Variants in CDYL observed in about 807,000 individuals in gnomAD.
CDYL encodes chromodomain Y like, also known as chromodomain Y-like protein.
CDYL carries 8 observed loss-of-function variants against 47.3 expected under a neutral mutation model. The observed-to-expected ratio is 0.17, with a 90% confidence interval of 0.10 to 0.31. The LOEUF is 0.31. Ranked by LOEUF, CDYL falls within the 10% of genes least tolerant of loss-of-function variation. CDYL has a pLI of 1.00. For missense variants in CDYL, 471 were observed against 701.4 expected (o/e 0.67, Z 3.71); for synonymous variants, 266 against 265.0 (o/e 1.00, Z -0.04).
intron 2 of CDYL, among the ~76,000 whole-genome samples, chr6:4,734,434 C>G (rs1031994953): frequency 6.6e-6 from 1 of 152,210 alleles, no homozygotes; most frequent in Non-Finnish European, 1.5e-5. Flanking sequence ...GGGCGGGTCA[C>G]CAGCCAGATG....
chr6:4,858,504 G>A (rs934568023), intron 1 of CDYL, among the ~76,000 whole-genome samples: 3 of 152,186 alleles, frequency 2.0e-5, no homozygotes, highest in Non-Finnish European at 2.9e-5. Flanking sequence ...CAGAGCTCAC[G>A]GAGCTTAAGG....
chr6:4,952,686 A>G (rs1170727229), intron 6 of CDYL, among the ~76,000 whole-genome samples: 1 of 152,188 alleles, frequency 6.6e-6, no homozygotes, highest in Non-Finnish European at 1.5e-5. Flanking sequence ...TAACATGGAT[A>G]TAATTCTTTA....
intron 1 of CDYL, chr6:4,890,032 AGGCTCCTGCCTC>A (rs2127482980): frequency 1.0e-6 from 1 of 985,494 alleles, no homozygotes; most frequent in African/African-American, 1.7e-5. Context: ...GTGCTCCACC[AGGCTCCTGCCTC>A]GGCTCTAAGG....
rs901208189 is a variant in CDYL at position 4,873,977 on chromosome 6, T to G, written c.25-17736T>G. 8.5e-5 allele frequency among the ~76,000 whole-genome samples: 13 copies of G among 152,250 alleles called. No individual in the cohort carries two copies. In the East Asian group the frequency reaches 2.5e-3, roughly 29 times the overall value. On this transcript the variant is annotated intron_variant, in intron 1 of 6. Transcript: ENST00000397588. The stretch of plus-strand genomic sequence containing the variant: ...TTGAGCCCCCATTCAGTTATTTCCT[T>G]GTGTTCATTCCTTAGCTACATTCCC...
chr6:4,710,907 G>A (rs910646347), intron 1 of CDYL, among the ~76,000 whole-genome samples: 11 of 107,838 alleles, frequency 1.0e-4, no homozygotes, highest in Non-Finnish European at 2.0e-4. Context: ...GTAGATTTCA[G>A]GTGTTCTCAC....
chr6:4,906,878 C>A (rs1757254126), intron 2 of CDYL, among the ~76,000 whole-genome samples: 1 of 152,162 alleles, frequency 6.6e-6, no homozygotes, highest in Non-Finnish European at 1.5e-5. Context: ...TTAATATGTT[C>A]TCAGTGAGTG....
At chr6:4,927,218 G>A (rs1160143159) in intron 2 of CDYL, among the ~76,000 whole-genome samples, 1 of 152,104 alleles carries the variant, frequency 6.6e-6, no homozygotes, top group Non-Finnish European at 1.5e-5. Context: ...AATTCTAAAG[G>A]TAGAATTATA....
At chr6:4,866,169 T>C (rs568173257) in intron 1 of CDYL, among the ~76,000 whole-genome samples, 3 of 151,700 alleles carry the variant, frequency 2.0e-5, no homozygotes, top group African/African-American at 7.3e-5. Context: ...GAATTAAGAG[T>C]GGTTGTCAAA....
chr6:4,937,468 C>A (rs1404846769), intron 3 of CDYL, 97 bp from the exon 4 acceptor site: 3 of 979,980 alleles, frequency 3.1e-6, no homozygotes, highest in Non-Finnish European at 4.3e-6. Context: ...TGCACGCCAA[C>A]CTGAGCAACA....
At chr6:4,915,289 C>G (rs1422620891) in intron 2 of CDYL, among the ~76,000 whole-genome samples, 3 of 152,196 alleles carry the variant, frequency 2.0e-5, no homozygotes, top group Admixed American at 1.3e-4. Context: ...CATTTTACCA[C>G]TCTGCTCTCT....
chr6:4,747,994 G>A (rs1243317779), intron 3 of CDYL, among the ~76,000 whole-genome samples: 1 of 152,210 alleles, frequency 6.6e-6, no homozygotes, highest in Non-Finnish European at 1.5e-5. Context: ...CAATGCTGCT[G>A]TAGATAGCAG....
chr6:4,797,448 A>C (rs1296134988), intron 1 of CDYL, among the ~76,000 whole-genome samples: 2 of 142,040 alleles, frequency 1.4e-5, no homozygotes, highest in Non-Finnish European at 3.0e-5. Flanking sequence ...TTTGAGATAT[A>C]GTTCACATAC....
chr6:4,933,802 C>T (rs1758102065), intron 2 of CDYL, among the ~76,000 whole-genome samples: 1 of 152,176 alleles, frequency 6.6e-6, no homozygotes, highest in Non-Finnish European at 1.5e-5. Context: ...TTTGACAGCA[C>T]TGGGATGACA....
intron 1 of CDYL, among the ~76,000 whole-genome samples, chr6:4,780,813 T>G (rs2127430265): frequency 6.6e-6 from 1 of 152,358 alleles, no homozygotes; most frequent in Middle Eastern, 3.4e-3. Context: ...GAAAGTATTC[T>G]ATAAACTGAT....
In CDYL at chr6:4,796,326, G is replaced by C. The variant is rs78924637; in HGVS notation, c.24+19519G>C. On this transcript the variant is annotated intron_variant, in intron 1 of 6. Transcript: ENST00000397588. ...AAAAAATGATTTTAGTTTGATGTGA[G>C]AACATTTACATTTCTAAGGTGAAAA... Among the ~76,000 whole-genome samples the C allele has an allele frequency of 3.7e-3, 557 of 152,242 alleles. 2 individuals carry two copies. Among genetic ancestry groups the C allele is most frequent in the Non-Finnish European group, 6.3e-3 (428 of 68,010 alleles).
At chr6:4,790,201 T>A (rs1239872540) in intron 1 of CDYL, among the ~76,000 whole-genome samples, 5 of 152,238 alleles carry the variant, frequency 3.3e-5, no homozygotes, top group African/African-American at 1.2e-4. Flanking sequence ...GTGGTGGTAT[T>A]TGAAAGCCTT....
At chr6:4,804,723 C>T (rs1173946884) in intron 1 of CDYL, among the ~76,000 whole-genome samples, 1 of 152,202 alleles carries the variant, frequency 6.6e-6, no homozygotes, top group African/African-American at 2.4e-5. Flanking sequence ...CCGTCTGGGT[C>T]CATTCTCCTA....
chr6:4,919,405 A>G (rs925959168), intron 2 of CDYL, among the ~76,000 whole-genome samples: 10 of 152,250 alleles, frequency 6.6e-5, no homozygotes, highest in East Asian at 1.9e-4. Context: ...CATTGATAAT[A>G]CAGGTTAAAT....
At chr6:4,795,771 A>T (rs189273859) in intron 1 of CDYL, among the ~76,000 whole-genome samples, 1 of 144,718 alleles carries the variant, frequency 6.9e-6, no homozygotes, top group African/African-American at 2.6e-5. Flanking sequence ...GTCTTTCATT[A>T]TTTCTGGTTC....
Sources: gnomAD v4.1 joint callset for allele counts (sites outside exome capture counted in the v4.1 genomes callset) on GRCh38, gnomAD v4.1.1 for gene constraint, MANE v1.5 for transcripts, NCBI Gene and HGNC (gene_info 2026-07-23, HGNC 2026-07-21) for gene names.